The following MLLT3 variants were observed in gnomAD, a reference collection of about 807,000 sequenced individuals.
The protein encoded by MLLT3 is protein AF-9.
In MLLT3, 4 loss-of-function variants were observed where a neutral mutation model predicts 53.2. The observed-to-expected ratio is 0.08, with a 90% CI of 0.04 to 0.17. MLLT3 has a LOEUF of 0.17. MLLT3 is among the 10% of genes least tolerant of loss of function. The pLI, the probability that MLLT3 is intolerant of heterozygous loss-of-function variation, is 1.00. For synonymous variants in MLLT3, 283 were observed against 230.6 expected (o/e 1.23, Z -2.06); for missense variants, 569 against 684.0 (o/e 0.83, Z 1.87).
intron 5 of MLLT3, among the ~76,000 whole-genome samples, chr9:20,391,793 G>A (rs1239947171): frequency 6.6e-6 from 1 of 152,162 alleles, no homozygotes; most frequent in Non-Finnish European, 1.5e-5. Context: ...TCAAGCTTAA[G>A]TTAGTAGAAG....
intron 4 of MLLT3, among the ~76,000 whole-genome samples, chr9:20,438,952 T>C (rs1823475319): frequency 6.6e-6 from 1 of 152,144 alleles, no homozygotes; most frequent in South Asian, 2.1e-4. Context: ...TATTTTACCA[T>C]TTCACACTAC....
At position 20,394,929 on chromosome 9, in the gene MLLT3, G is replaced by A. The variant is rs113398717; in HGVS notation, c.1125+18792C>T. 2.3e-3 allele frequency among the ~76,000 whole-genome samples: 343 copies of A among 152,206 alleles called. 2 individuals are homozygous for A. Among genetic ancestry groups the A allele is most frequent in the African/African-American group, 7.5e-3 (312 of 41,514 alleles). On this transcript the variant is annotated intron_variant, in intron 5 of 10. Transcript: ENST00000380338. Reference sequence around the variant, plus strand: ...AACTTCTTTTTTGATGGAGGGAGGTGTGGGAAGAGGTTTCCGTCCAAGGTG... The same window carrying A: ...AACTTCTTTTTTGATGGAGGGAGGTATGGGAAGAGGTTTCCGTCCAAGGTG...
intron 2 of MLLT3, among the ~76,000 whole-genome samples, chr9:20,533,741 A>G (rs1018721105): frequency 6.6e-6 from 1 of 152,250 alleles, no homozygotes; most frequent in Non-Finnish European, 1.5e-5. Flanking sequence ...ACATCCTGCC[A>G]TTTGTAGCAA....
intron 2 of MLLT3, among the ~76,000 whole-genome samples, chr9:20,505,684 C>T (rs901528413): frequency 2.0e-5 from 3 of 152,278 alleles, no homozygotes; most frequent in African/African-American, 4.8e-5. Flanking sequence ...AAAGGACTAT[C>T]GTGACACACA....
intron 2 of MLLT3, among the ~76,000 whole-genome samples, chr9:20,564,894 A>C (rs1297066236): frequency 2.6e-5 from 4 of 152,098 alleles, no homozygotes; most frequent in African/African-American, 7.2e-5. Flanking sequence ...CCACAAGGCA[A>C]ATGTTTTGTA....
intron 4 of MLLT3, among the ~76,000 whole-genome samples, chr9:20,417,683 T>A (rs964680115): frequency 6.6e-6 from 1 of 152,196 alleles, no homozygotes; most frequent in African/African-American, 2.4e-5. Context: ...CTTTACAACC[T>A]GTGACTATAG....
chr9:20,549,006 G>A (rs1446626395), intron 2 of MLLT3, among the ~76,000 whole-genome samples: 1 of 151,838 alleles, frequency 6.6e-6, no homozygotes, highest in Admixed American at 6.6e-5. Flanking sequence ...GTAGAGAGGG[G>A]GTTTCACCAT....
At chr9:20,539,471 T>C (rs1201508238) in intron 2 of MLLT3, among the ~76,000 whole-genome samples, 1 of 152,136 alleles carries the variant, frequency 6.6e-6, no homozygotes, top group Non-Finnish European at 1.5e-5. Flanking sequence ...CTTACAATCA[T>C]GGCTGAAGGC....
chr9:20,395,175 T>C (rs1271511644), intron 5 of MLLT3, among the ~76,000 whole-genome samples: 1 of 152,162 alleles, frequency 6.6e-6, no homozygotes, highest in Non-Finnish European at 1.5e-5. Flanking sequence ...AAGCAGCGCA[T>C]CCTGCTGAAA....
At chr9:20,423,463 GC>G (rs1421488294) in intron 4 of MLLT3, among the ~76,000 whole-genome samples, 5 of 151,946 alleles carry the variant, frequency 3.3e-5, no homozygotes, top group Non-Finnish European at 5.9e-5. Flanking sequence ...GGCCCCCCTG[GC>G]CCCCCATATC....
intron 5 of MLLT3, among the ~76,000 whole-genome samples, chr9:20,402,433 G>C (rs1482630168): frequency 6.6e-6 from 1 of 152,196 alleles, no homozygotes; most frequent in African/African-American, 2.4e-5. Flanking sequence ...TATATTTGTA[G>C]ATAGACTAAG....
chr9:20,505,669 G>A (rs1052087265), intron 2 of MLLT3, among the ~76,000 whole-genome samples: 3 of 152,156 alleles, frequency 2.0e-5, no homozygotes, highest in African/African-American at 7.2e-5. Context: ...ACTTGAAGAT[G>A]TCTGAAAGGA....
intron 2 of MLLT3, among the ~76,000 whole-genome samples, chr9:20,558,141 C>T (rs1371323614): frequency 6.6e-6 from 1 of 152,160 alleles, no homozygotes; most frequent in Non-Finnish European, 1.5e-5. Context: ...AGAACATGGG[C>T]TGGCAGGTGT....
chr9:20,468,548 C>G (rs943097525), intron 2 of MLLT3, among the ~76,000 whole-genome samples: 1 of 152,140 alleles, frequency 6.6e-6, no homozygotes. Context: ...CTGCAATAAA[C>G]AAATGAGTAG....
intron 4 of MLLT3, among the ~76,000 whole-genome samples, chr9:20,445,189 C>G (rs1823663385): frequency 6.6e-6 from 1 of 152,150 alleles, no homozygotes; most frequent in African/African-American, 2.4e-5. Context: ...AAACTACTTT[C>G]ACGGTCCTAT....
At chr9:20,491,686 G>C (rs1469784487) in intron 2 of MLLT3, among the ~76,000 whole-genome samples, 1 of 152,098 alleles carries the variant, frequency 6.6e-6, no homozygotes, top group Non-Finnish European at 1.5e-5. Context: ...TTCCAAAACA[G>C]TAAGTGTCAA....
At chr9:20,456,209 G>T (rs906811679) in intron 3 of MLLT3, among the ~76,000 whole-genome samples, 3 of 152,074 alleles carry the variant, frequency 2.0e-5, no homozygotes, top group African/African-American at 7.2e-5. Context: ...AAAGTGCTGG[G>T]ATTACAGGTG....
chr9:20,486,674 G>A (rs927088087), intron 2 of MLLT3, among the ~76,000 whole-genome samples: 1 of 152,102 alleles, frequency 6.6e-6, no homozygotes, highest in African/African-American at 2.4e-5. Flanking sequence ...GAAGACACGT[G>A]GCAACAAATG....
At chr9:20,542,962 T>C (rs1280274073) in intron 2 of MLLT3, among the ~76,000 whole-genome samples, 3 of 152,238 alleles carry the variant, frequency 2.0e-5, no homozygotes, top group East Asian at 3.8e-4. Context: ...ATTATAATGG[T>C]AGCTTCTTTC....
Sources: allele counts gnomAD v4.1 joint callset (sites outside exome capture counted in the v4.1 genomes callset), GRCh38; gene constraint gnomAD v4.1.1; transcripts MANE v1.5; gene names NCBI Gene and HGNC (gene_info 2026-07-23, HGNC 2026-07-21).